The following KLHL6 variants were observed in gnomAD, a reference collection of about 807,000 sequenced individuals.
KLHL6 encodes kelch-like protein 6.
In KLHL6, 41 loss-of-function variants were observed where a neutral mutation model predicts 58.6. That is an observed-to-expected ratio of 0.70 (90% confidence interval 0.55 to 0.91). The LOEUF (loss-of-function observed/expected upper bound fraction) is 0.91, where lower values mean the gene tolerates loss of function less well. Among genes scored for constraint, KLHL6 ranks in the 40% least tolerant of loss-of-function variants. KLHL6 has a pLI of 0.00. For missense variants in KLHL6, 714 were observed against 805.6 expected, an observed-to-expected ratio of 0.89 and a Z score of 1.38; for synonymous variants, 338 against 322.7, an observed-to-expected ratio of 1.05 and a Z score of -0.51.
chr3:183,517,973 T>C (rs1577188553), intron 2 of KLHL6, among the ~76,000 whole-genome samples: 1 of 152,002 alleles, frequency 6.6e-6, no homozygotes, highest in South Asian at 2.1e-4. Flanking sequence ...CTGCAATAGG[T>C]GGGGTGGTGG....
At chr3:183,502,366 A>T (rs1717890606) in intron 3 of KLHL6, among the ~76,000 whole-genome samples, 2 of 151,978 alleles carry the variant, frequency 1.3e-5, no homozygotes, top group South Asian at 4.2e-4. Context: ...ACTCAGTCTA[A>T]ATCATTGTGG....
At chr3:183,506,026 A>C (rs1415991294) in intron 3 of KLHL6, among the ~76,000 whole-genome samples, 1 of 152,222 alleles carries the variant, frequency 6.6e-6, no homozygotes, top group Non-Finnish European at 1.5e-5. Flanking sequence ...ACACAGAAAA[A>C]GGGAGAAACT....
At chr3:183,502,675 CAGTA>C (rs1329517457) in intron 3 of KLHL6, among the ~76,000 whole-genome samples, 1 of 152,186 alleles carries the variant, frequency 6.6e-6, no homozygotes, top group African/African-American at 2.4e-5. Context: ...GCCAACAGTA[CAGTA>C]AGTGTGAGCT....
intron 3 of KLHL6, among the ~76,000 whole-genome samples, chr3:183,500,948 C>T (rs951527971): frequency 2.6e-5 from 4 of 152,332 alleles, no homozygotes; most frequent in African/African-American, 9.6e-5. Context: ...CACAAATAGT[C>T]AGACCAGCCA....
At chr3:183,526,368 T>C (rs1399869390) in intron 2 of KLHL6, among the ~76,000 whole-genome samples, 1 of 152,192 alleles carries the variant, frequency 6.6e-6, no homozygotes, top group Non-Finnish European at 1.5e-5. Context: ...CAACAACCTA[T>C]AAACTTCTGT....
In KLHL6 at chr3:183,494,065, A is replaced by G. The variant is rs1160001766; in HGVS notation, c.1350+14T>C. On this transcript the variant is annotated intron_variant, in intron 5 of 6. Coordinates refer to ENST00000341319, the MANE Select transcript of KLHL6 (RefSeq NM_130446.4). ...ATAATACAGGCAGTTACTGGTAGAA[A>G]TCGTGTCCTATACCTCTGACCAGCA... 3.7e-6 allele frequency: 6 copies of G among 1,610,582 alleles called. No individual in the cohort carries two copies. In the South Asian group the frequency reaches 6.6e-5, roughly 18 times the overall value.
At chr3:183,532,023 T>TG (rs1560106147) in intron 1 of KLHL6, among the ~76,000 whole-genome samples, 2 of 152,254 alleles carry the variant, frequency 1.3e-5, no homozygotes, top group African/African-American at 4.8e-5. Flanking sequence ...GACACGAATT[T>TG]GGGGGCCAAG....
chr3:183,522,616 A>G (rs1711805510), intron 2 of KLHL6: 1 of 152,222 alleles, frequency 6.6e-6, no homozygotes, highest in South Asian at 2.1e-4. Flanking sequence ...ATGTGTGTAC[A>G]TAGTATATCA....
intron 3 of KLHL6, among the ~76,000 whole-genome samples, chr3:183,500,478 AATGT>A (rs1453566124): frequency 6.6e-6 from 1 of 152,208 alleles, no homozygotes; most frequent in Non-Finnish European, 1.5e-5. Context: ...TCAGAAGTCA[AATGT>A]ACCAGCGTTC....
intron 2 of KLHL6, among the ~76,000 whole-genome samples, chr3:183,525,130 G>T (rs894365805): frequency 1.1e-4 from 17 of 152,212 alleles, no homozygotes; most frequent in South Asian, 8.3e-4. Flanking sequence ...CAGGCATGGT[G>T]GTGCACACCT....
chr3:183,531,728 G>T (rs1712172126), intron 1 of KLHL6, among the ~76,000 whole-genome samples: 1 of 152,164 alleles, frequency 6.6e-6, no homozygotes, highest in Non-Finnish European at 1.5e-5. Flanking sequence ...TTACAGGCGT[G>T]AGCCACCGTG....
At position 183,516,386 on chromosome 3, in the gene KLHL6, A is replaced by G. The variant is rs138331197; in HGVS notation, c.460-7878T>C. Among the ~76,000 whole-genome samples the G allele has an allele frequency of 3.4e-3, 516 of 152,368 alleles. 1 individual carries two copies. Among genetic ancestry groups the G allele is most frequent in the African/African-American group, 0.012 (481 of 41,586 alleles). Reference sequence around the variant, plus strand: ...TTTTCTGTCTCGGCCTGTCCCGATGACACATGAACTTGTTTGTCAGAGCTG... The same window carrying G: ...TTTTCTGTCTCGGCCTGTCCCGATGGCACATGAACTTGTTTGTCAGAGCTG... On this transcript the variant is annotated intron_variant, in intron 2 of 6. Coordinates refer to ENST00000341319, the MANE Select transcript of KLHL6 (RefSeq NM_130446.4).
At chr3:183,504,132 ATGAT>A (rs1212074204) in intron 3 of KLHL6, among the ~76,000 whole-genome samples, 1 of 152,220 alleles carries the variant, frequency 6.6e-6, no homozygotes, top group African/African-American at 2.4e-5. Flanking sequence ...GAGAAGGAAA[ATGAT>A]TGATTGTGAG....
At chr3:183,507,507 C>T (rs1718042230) in intron 3 of KLHL6, among the ~76,000 whole-genome samples, 1 of 152,170 alleles carries the variant, frequency 6.6e-6, no homozygotes, top group Non-Finnish European at 1.5e-5. Flanking sequence ...TCTCGGCTCA[C>T]TACAACCTCT....
intron 1 of KLHL6, among the ~76,000 whole-genome samples, chr3:183,546,737 A>T (rs1016877376): frequency 4.6e-5 from 7 of 152,198 alleles, no homozygotes; most frequent in Non-Finnish European, 1.0e-4. Flanking sequence ...AAATTAATAA[A>T]TGAATCCATT....
rs961641069 is a variant in KLHL6 at position 183,488,484 on chromosome 3, C to T, written c.*3443G>A. ...ATTTTCCAGACCTGCATCCTTGGAA[C>T]CTGACCTCCTCCTACCCCATCTTCT... is the stretch of plus-strand genomic sequence containing the variant. On this transcript the variant is annotated 3_prime_UTR_variant, in exon 7 of 7. Transcript: ENST00000341319. 1 of 152,748 alleles carries T rather than the reference C, an allele frequency of 6.5e-6. No homozygotes were observed. The highest frequency in any genetic ancestry group is 1.5e-5 in the Non-Finnish European group (1 of 68,482). 9.5% of individuals were successfully genotyped at this position (152,748 alleles called of 1,614,324 possible).
In KLHL6 at chr3:183,537,310, TTTTGCGG is replaced by T. The variant is rs1428749987; in HGVS notation, c.294-9307_294-9301del. ...AGAAAATCAGCAGGAGTTCAAGGCC[TTTTGCGG>T]GGGATCAACTCAGTGTCAGCGCTCA... On this transcript the variant is annotated intron_variant, in intron 1 of 6. Coordinates refer to ENST00000341319, the MANE Select transcript of KLHL6 (RefSeq NM_130446.4). 5.3e-5 allele frequency among the ~76,000 whole-genome samples: 8 copies of T among 152,214 alleles called. No homozygotes were observed. The East Asian group carries it at 1.5e-3, about 29-fold the overall frequency.
chr3:183,499,681 C>G lies in KLHL6; in HGVS notation c.1056G>C (p.Lys352Asn), dbSNP rs374870850. Residue 352 changes from lysine to asparagine, a missense_variant, in exon 4 of 7, where the codon AAG (lysine) becomes AAC (asparagine). By Grantham distance (94) the Lys-to-Asn change is moderately conservative. Transcript: ENST00000341319. This position sits in a 1 kb window ranked among gnomAD's most constrained non-coding sequence, Gnocchi z 4.6. ...CCAGCTCATGCTCTGTTAGCGGGAGCTTGGCCACCTCCAGGCGGCTGCGCC... is the reference window on the plus strand; with the variant it reads ...CCAGCTCATGCTCTGTTAGCGGGAGGTTGGCCACCTCCAGGCGGCTGCGCC... The part of the protein sequence containing the change: ...PLRRSRLEVA[K>N]LPLTEHELES... 1 of 1,611,632 alleles carries G rather than the reference C, an allele frequency of 6.2e-7. No individual in the cohort carries two copies. Among genetic ancestry groups the G allele is most frequent in the Non-Finnish European group, 8.5e-7 (1 of 1,179,052 alleles).
intron 1 of KLHL6, among the ~76,000 whole-genome samples, chr3:183,546,528 G>T (rs1275483157): frequency 6.6e-6 from 1 of 152,110 alleles, no homozygotes; most frequent in African/African-American, 2.4e-5. Context: ...GGTGGCTTCG[G>T]GCTGCGGTCC....
Sources: gnomAD v4.1 joint callset for allele counts (sites outside exome capture counted in the v4.1 genomes callset) on GRCh38, gnomAD v4.1.1 for gene constraint, Gnocchi (gnomAD v3.1) non-coding constraint, MANE v1.5 for transcripts, NCBI Gene and HGNC (gene_info 2026-07-23, HGNC 2026-07-21) for gene names.